The following OLFM2 variants were observed in gnomAD, a reference collection of about 807,000 sequenced individuals.
OLFM2 encodes the protein noelin-2.
OLFM2 carries 20 observed loss-of-function variants against 43.9 expected under a neutral mutation model. The ratio of observed to expected loss-of-function variants is 0.46; its 90% CI spans 0.32 to 0.66. OLFM2 has a LOEUF of 0.66. OLFM2 is among the 30% of genes least tolerant of loss of function. The pLI is 0.04. For synonymous variants in OLFM2, 268 were observed against 278.6 expected (o/e 0.96, Z 0.38); for missense variants, 416 against 643.6 (o/e 0.65, Z 3.83).
chr19:9,927,560 C>A (rs2086461314), intron 1 of OLFM2, among the ~76,000 whole-genome samples: 1 of 152,186 alleles, frequency 6.6e-6, no homozygotes. Context: ...TCTTCACTCG[C>A]TCATCCTTCA....
At chr19:9,890,778 C>A (rs907789229) in intron 1 of OLFM2, among the ~76,000 whole-genome samples, 3 of 151,956 alleles carry the variant, frequency 2.0e-5, no homozygotes, top group Non-Finnish European at 4.4e-5. Flanking sequence ...CATAGCAAGA[C>A]CCCTATTCTA....
chr19:9,877,947 G>A (rs1266502516), intron 1 of OLFM2, among the ~76,000 whole-genome samples: 1 of 152,090 alleles, frequency 6.6e-6, no homozygotes. Flanking sequence ...CAACATTCCA[G>A]GCTCAGTCGA....
chr19:9,925,237 A>T (rs2086445785), intron 1 of OLFM2, among the ~76,000 whole-genome samples: 1 of 152,066 alleles, frequency 6.6e-6, no homozygotes, highest in Admixed American at 6.6e-5. Flanking sequence ...AGCCTGGGGG[A>T]CAGAGTGAGA....
intron 1 of OLFM2, among the ~76,000 whole-genome samples, chr19:9,934,278 C>T (rs915722343): frequency 1.1e-4 from 16 of 152,086 alleles, no homozygotes; most frequent in African/African-American, 3.6e-4. Flanking sequence ...CGCCTGGAGG[C>T]ACTGCAGCCC....
chr19:9,920,426 C>G (rs1203096120), intron 1 of OLFM2, among the ~76,000 whole-genome samples: 1 of 151,978 alleles, frequency 6.6e-6, no homozygotes, highest in East Asian at 1.9e-4. Context: ...AATGATGTAC[C>G]CACGGTCAGA....
intron 1 of OLFM2, chr19:9,913,645 G>A (rs1434183607): frequency 8.0e-7 from 1 of 1,247,082 alleles, no homozygotes; most frequent in Non-Finnish European, 1.0e-6. Flanking sequence ...CCCCGCGGCC[G>A]CCCGCCGCGC....
intron 1 of OLFM2, among the ~76,000 whole-genome samples, chr19:9,909,874 T>C (rs545915220): frequency 5.3e-5 from 8 of 152,210 alleles, no homozygotes; most frequent in Non-Finnish European, 8.8e-5. Flanking sequence ...CACTACTATG[T>C]GCCCGTTATT....
At chr19:9,909,699 C>A (rs980485758) in intron 1 of OLFM2, among the ~76,000 whole-genome samples, 26 of 152,190 alleles carry the variant, frequency 1.7e-4, no homozygotes, top group African/African-American at 6.3e-4. Context: ...CGTTGGGGTG[C>A]TAAACCTTCC....
chr19:9,923,147 G>C (rs1332000570), intron 1 of OLFM2, among the ~76,000 whole-genome samples: 2 of 152,030 alleles, frequency 1.3e-5, no homozygotes, highest in Non-Finnish European at 2.9e-5. Flanking sequence ...ATTCCAGATT[G>C]GCAAATTTGC....
chr19:9,858,077 C>T (rs563144030), intron 2 of OLFM2: 2 of 630,048 alleles, frequency 3.2e-6, no homozygotes, highest in East Asian at 5.7e-5. Context: ...CCATCTGGTC[C>T]ACCTACCACC....
At position 9,854,690 on chromosome 19, in the gene OLFM2, C is replaced by G. The variant is rs2046300023; in HGVS notation, c.861G>C (p.Val287=). ...SLFYNKYQSN[V]VVKYHFRSRS... is the part of the protein sequence containing the mutation. ...GCGAGCGGAAGTGGTATTTGACCAC[C>G]ACGTTGCTCTGGTACTTGTTATAGA... The change falls in exon 6 of 6, where the codon GTG becomes GTC. Residue 287 remains valine (V), a synonymous_variant. Coordinates refer to ENST00000264833, the MANE Select transcript of OLFM2 (RefSeq NM_058164.4). This position sits in a 1 kb window ranked among gnomAD's most constrained non-coding sequence, Gnocchi z 9.5. 6.2e-7 allele frequency: 1 copy of G among 1,614,110 alleles called. No individual in the cohort carries two copies. Among genetic ancestry groups the G allele is most frequent in the Admixed American group, 1.7e-5 (1 of 60,012 alleles).
At chr19:9,927,080 G>A (rs1311658604) in intron 1 of OLFM2, among the ~76,000 whole-genome samples, 1 of 152,068 alleles carries the variant, frequency 6.6e-6, no homozygotes, top group Non-Finnish European at 1.5e-5. Context: ...TCAGGAGTTT[G>A]AGACCAGCCT....
intron 1 of OLFM2, among the ~76,000 whole-genome samples, chr19:9,921,356 C>T (rs151041097): frequency 0.01 from 1,537 of 152,214 alleles, 20 homozygotes; most frequent in Middle Eastern, 0.082. Context: ...TGGGCTCAAG[C>T]GATCCCCTTG....
intron 1 of OLFM2, among the ~76,000 whole-genome samples, chr19:9,915,977 G>C (rs2046873606): frequency 6.6e-6 from 1 of 152,164 alleles, no homozygotes. Context: ...GTGAGCCAGG[G>C]GGAGAATAAG....
intron 2 of OLFM2, among the ~76,000 whole-genome samples, chr19:9,859,454 C>T (rs924247037): frequency 6.6e-6 from 1 of 152,120 alleles, no homozygotes. Context: ...GTAGGTGGGA[C>T]TACAGGCACA....
intron 1 of OLFM2, among the ~76,000 whole-genome samples, chr19:9,915,220 TTC>T (rs2046865109): frequency 7.0e-6 from 1 of 143,262 alleles, no homozygotes; most frequent in South Asian, 2.2e-4. Context: ...AAATTGAATA[TTC>T]TTTTTCTTTT....
chr19:9,923,724 C>T (rs574926657), intron 1 of OLFM2, among the ~76,000 whole-genome samples: 1 of 151,960 alleles, frequency 6.6e-6, no homozygotes, highest in Non-Finnish European at 1.5e-5. Flanking sequence ...GGTGGGATTG[C>T]CTTTACCTCC....
Position 9,885,952 on chromosome 19 carries a change from C to A in OLFM2, c.64-25158G>T, listed in dbSNP as rs76083582. Among the ~76,000 whole-genome samples, 1,353 of 151,934 alleles carry A rather than the reference C, an allele frequency of 8.9e-3. 25 individuals are homozygous for A. The highest frequency in any genetic ancestry group is 0.031 in the African/African-American group (1,305 of 41,448). ...TCTCTACAAAAGATTAAAAAATTAA[C>A]CAGGTGTGGTGGCGCACACCTGTAG... is the stretch of plus-strand genomic sequence containing the variant. On this transcript the variant is annotated intron_variant, in intron 1 of 5. Transcript: ENST00000264833.
At chr19:9,923,681 AAAGAAAGAAAAAAG>A (rs2086434843) in intron 1 of OLFM2, among the ~76,000 whole-genome samples, 2 of 151,858 alleles carry the variant, frequency 1.3e-5, no homozygotes, top group Admixed American at 1.3e-4. Flanking sequence ...AAAGAAAAGA[AAAGAAAGAAAAAAG>A]AAAAGAAAAG....
Sources: allele counts gnomAD v4.1 joint callset (sites outside exome capture counted in the v4.1 genomes callset), GRCh38; gene constraint gnomAD v4.1.1; non-coding constraint Gnocchi (gnomAD v3.1); transcripts MANE v1.5; gene names NCBI Gene and HGNC (gene_info 2026-07-23, HGNC 2026-07-21).